ZFY: variants seen among roughly 807,000 people sequenced by gnomAD.
The protein encoded by ZFY is zinc finger protein Y-linked, also known as zinc finger Y-chromosomal protein.
For synonymous variants in ZFY, 47 were observed against 55.8 expected, an observed-to-expected ratio of 0.84 and a Z score of 0.71; for missense variants, 113 against 170.9, an observed-to-expected ratio of 0.66 and a Z score of 1.89.
At chrY:2,955,845 A>G in intron 2 of ZFY, among the ~76,000 whole-genome samples, 1 of 33,665 alleles carries the variant, frequency 3.0e-5, no homozygotes, top group African/African-American at 1.2e-4. Flanking sequence ...TTGAAGTCCA[A>G]TATCCTTAGA....
chrY:2,945,235 CT>C (rs750190266), intron 1 of ZFY, among the ~76,000 whole-genome samples: 1 of 32,400 alleles, frequency 3.1e-5, no homozygotes, highest in East Asian at 7.9e-4. Flanking sequence ...TGTCAGTTTG[CT>C]TTTTTCTGAT....
chrY:2,951,361 T>C lies in ZFY; in HGVS notation c.-28-2548T>C, dbSNP rs1054738241. On this transcript the variant is annotated intron_variant, in intron 1 of 7. Transcript: ENST00000155093. The stretch of plus-strand genomic sequence containing the variant: ...TTGGCATTACAAGACCCCCTTCTTA[T>C]AATAGGTTTCCTAGTCATTTGTTTT... 1.5e-4 allele frequency among the ~76,000 whole-genome samples: 5 copies of C among 33,553 alleles called. No individual in the cohort carries two copies. In the East Asian group the frequency reaches 3.1e-3, roughly 21 times the overall value. The allele number at this position is 33,553 out of a possible 37,273, so 90.0% of individuals were successfully genotyped here.
rs2051396851 is a variant in ZFY at position 2,980,399 on chromosome Y, A to G, written c.*406A>G. Reference sequence around the variant, plus strand: ...TCACATTGGAGACATCTGCTAATATAAATGGGAGGTTTTACTGTCAAGTCC... The same window carrying G: ...TCACATTGGAGACATCTGCTAATATGAATGGGAGGTTTTACTGTCAAGTCC... On this transcript the variant is annotated 3_prime_UTR_variant, in exon 8 of 8. Coordinates refer to ENST00000155093, the MANE Select transcript of ZFY (RefSeq NM_003411.4). 3 of 42,252 alleles carry G rather than the reference A, an allele frequency of 7.1e-5. No individual in the cohort carries two copies. Among genetic ancestry groups the G allele is most frequent in the African/African-American group, 3.4e-4 (3 of 8,754 alleles). The allele number at this position is 42,252 out of a possible 400,897, so 10.5% of individuals were successfully genotyped here. A position where few individuals can be genotyped will look rare whatever the true frequency, so the allele number is the denominator to read the frequency against.
At chrY:2,958,314 T>C (rs2051299656) in intron 2 of ZFY, among the ~76,000 whole-genome samples, 1 of 31,350 alleles carries the variant, frequency 3.2e-5, no homozygotes, top group Non-Finnish European at 7.9e-5. Context: ...GGGTGTAGAT[T>C]GTCTGGGGTG....
chrY:2,974,063 G>A, intron 3 of ZFY, among the ~76,000 whole-genome samples: 1 of 30,597 alleles, frequency 3.3e-5, no homozygotes, highest in East Asian at 8.3e-4. Flanking sequence ...AGTAGACCCA[G>A]ACTCATTAGA....
At chrY:2,947,265 G>C (rs778470171) in intron 1 of ZFY, among the ~76,000 whole-genome samples, 2 of 34,002 alleles carry the variant, frequency 5.9e-5, no homozygotes, top group East Asian at 1.5e-3. Flanking sequence ...TTGTAATCCT[G>C]TGTACTAATT....
intron 5 of ZFY, among the ~76,000 whole-genome samples, chrY:2,976,446 G>GA: frequency 6.3e-5 from 2 of 31,651 alleles, no homozygotes; most frequent in African/African-American, 1.2e-4. Flanking sequence ...ACCAATATTT[G>GA]AAAAAAAATA....
At chrY:2,952,385 T>A in intron 1 of ZFY, among the ~76,000 whole-genome samples, 1 of 34,323 alleles carries the variant, frequency 2.9e-5, no homozygotes, top group Non-Finnish European at 7.3e-5. Context: ...TTTGCATTTA[T>A]AATTTTATAA....
intron 3 of ZFY, among the ~76,000 whole-genome samples, chrY:2,963,535 T>G (rs750885043): frequency 3.0e-5 from 1 of 33,815 alleles, no homozygotes; most frequent in East Asian, 7.6e-4. Context: ...AGTGAACACT[T>G]AGGTGAACTT....
chrY:2,948,317 T>C, intron 1 of ZFY, among the ~76,000 whole-genome samples: 4 of 33,991 alleles, frequency 1.2e-4, no homozygotes, highest in African/African-American at 4.6e-4. Flanking sequence ...CTACTACTTT[T>C]GGTGAATTAA....
chrY:2,964,703 A>G (rs2051320859), intron 3 of ZFY, among the ~76,000 whole-genome samples: 1 of 32,558 alleles, frequency 3.1e-5, no homozygotes, highest in Non-Finnish European at 7.5e-5. Context: ...GCTGTACGTT[A>G]GCCTTAAAAA....
At chrY:2,970,102 A>G (rs2051343521) in intron 3 of ZFY, among the ~76,000 whole-genome samples, 1 of 32,846 alleles carries the variant, frequency 3.0e-5, no homozygotes, top group African/African-American at 1.2e-4. Context: ...TTGAAGAAGC[A>G]TAAGGGAATA....
chrY:2,974,477 G>T (rs754155599), intron 3 of ZFY, among the ~76,000 whole-genome samples: 1 of 33,148 alleles, frequency 3.0e-5, no homozygotes, highest in Non-Finnish European at 7.4e-5. Flanking sequence ...TGCCACCATG[G>T]CCAGCCAGAA....
chrY:2,968,309 CTT>C (rs745468268), intron 3 of ZFY, among the ~76,000 whole-genome samples: 1 of 24,707 alleles, frequency 4.0e-5, no homozygotes, highest in South Asian at 9.0e-4. Flanking sequence ...CATGTTTTCA[CTT>C]TTTTTTTTTT....
chrY:2,965,669 G>C, intron 3 of ZFY, among the ~76,000 whole-genome samples: 1 of 33,896 alleles, frequency 3.0e-5, no homozygotes, highest in Non-Finnish European at 7.3e-5. Context: ...GAAAAACTGG[G>C]ACATATTCCT....
chrY:2,941,962 G>GTA (rs1355080915), intron 1 of ZFY, among the ~76,000 whole-genome samples: 5 of 30,767 alleles, frequency 1.6e-4, no homozygotes, highest in Non-Finnish European at 2.3e-4. Context: ...GTGTGTGTGT[G>GTA]TATATCTCTG....
At chrY:2,951,272 G>A (rs779442041) in intron 1 of ZFY, among the ~76,000 whole-genome samples, 8 of 33,449 alleles carry the variant, frequency 2.4e-4, no homozygotes, top group African/African-American at 8.2e-4. Flanking sequence ...CTTGGTAAGG[G>A]AGTGATCAAA....
chrY:2,935,512 G>A lies in ZFY; in HGVS notation c.-286G>A, dbSNP rs2051211649. 1 of 34,896 alleles carries A rather than the reference G, an allele frequency of 2.9e-5. No homozygotes were observed. Among genetic ancestry groups the A allele is most frequent in the Non-Finnish European group, 7.3e-5 (1 of 13,664 alleles). 8.7% of individuals were successfully genotyped at this position (34,896 alleles called of 400,897 possible). A position where few individuals can be genotyped will look rare whatever the true frequency, so the allele number is the denominator to read the frequency against. On this transcript the variant is annotated 5_prime_UTR_variant, in exon 1 of 8. Coordinates refer to ENST00000155093, the MANE Select transcript of ZFY (RefSeq NM_003411.4). The stretch of plus-strand genomic sequence containing the variant: ...CGCGCAGTAACCTGTTTGTGGCCTG[G>A]TCGGCGTCCCGTAGGGCGCCCTCCC...
At chrY:2,941,846 G>A (rs2051242303) in intron 1 of ZFY, among the ~76,000 whole-genome samples, 1 of 31,860 alleles carries the variant, frequency 3.1e-5, no homozygotes, top group Non-Finnish European at 7.6e-5. Context: ...TTTGGAGATG[G>A]AATAATACCC....
Sources: allele counts gnomAD v4.1 joint callset (sites outside exome capture counted in the v4.1 genomes callset), GRCh38; gene constraint gnomAD v4.1.1; transcripts MANE v1.5; gene names NCBI Gene and HGNC (gene_info 2026-07-23, HGNC 2026-07-21).